The following GFRA1 variants were observed in gnomAD, a reference collection of about 807,000 sequenced individuals.
The protein encoded by GFRA1 is GDNF family receptor alpha-1.
GFRA1 carries 16 observed loss-of-function variants against 51.6 expected under a neutral mutation model. The observed-to-expected ratio is 0.31, with a 90% CI of 0.21 to 0.47. GFRA1 has a LOEUF of 0.47. GFRA1 is among the 20% of genes least tolerant of loss of function. The probability of loss-of-function intolerance (pLI) is 1.00; values close to 1 mark genes in which losing one functional copy is unlikely to be tolerated. For synonymous variants in GFRA1, 270 were observed against 241.3 expected (o/e 1.12, Z -1.10); for missense variants, 530 against 594.3 (o/e 0.89, Z 1.13).
rs528863332 is a variant in GFRA1 at position 116,264,312 on chromosome 10, G to A, written c.418+5191C>T. Among the ~76,000 whole-genome samples the A allele has an allele frequency of 3.9e-5, 6 of 152,256 alleles. No homozygotes were observed. In the East Asian group the frequency reaches 1.2e-3, roughly 29 times the overall value. On this transcript the variant is annotated intron_variant, in intron 4 of 10. Coordinates refer to ENST00000355422, the MANE Select transcript of GFRA1 (RefSeq NM_005264.8). ...CTGTCCAATCCCCTCCCCTCTCTGAGCTTCAAGTCTATAAAAACAGAGTAC... is the reference window on the plus strand; with the variant it reads ...CTGTCCAATCCCCTCCCCTCTCTGAACTTCAAGTCTATAAAAACAGAGTAC...
intron 4 of GFRA1, among the ~76,000 whole-genome samples, chr10:116,262,953 C>G (rs1969400625): frequency 6.6e-6 from 1 of 152,088 alleles, no homozygotes; most frequent in Admixed American, 6.6e-5. Flanking sequence ...AGCTCCCACC[C>G]CAGGTGATCA....
chr10:116,228,980 C>CAAAAAAAAAAAAAAAAAAAAA (rs57618028), intron 4 of GFRA1, among the ~76,000 whole-genome samples: 1 of 52,886 alleles, frequency 1.9e-5, no homozygotes, highest in Non-Finnish European at 3.4e-5. Flanking sequence ...TACTCCATCT[C>CAAAAAAAAAAAAAAAAAAAAA]AAAAAAAAAA....
chr10:116,190,044 C>T (rs573428885), intron 5 of GFRA1, among the ~76,000 whole-genome samples: 4 of 152,138 alleles, frequency 2.6e-5, no homozygotes, highest in Admixed American at 6.5e-5. Context: ...AACCAAAGCA[C>T]AGCAACTGGG....
At chr10:116,088,734 C>T (rs181582687) in intron 9 of GFRA1, among the ~76,000 whole-genome samples, 3 of 151,942 alleles carry the variant, frequency 2.0e-5, no homozygotes, top group Admixed American at 6.5e-5. Context: ...TCCTGGCTAA[C>T]ATGGTGAAAC....
chr10:116,181,998 T>C (rs1283370289), intron 5 of GFRA1, among the ~76,000 whole-genome samples: 1 of 152,092 alleles, frequency 6.6e-6, no homozygotes, highest in Admixed American at 6.6e-5. Flanking sequence ...AGCTCTGTAG[T>C]GAAATATCAT....
intron 5 of GFRA1, among the ~76,000 whole-genome samples, chr10:116,149,712 TGATGTAGG>T (rs1340938313): frequency 1.3e-5 from 2 of 152,164 alleles, no homozygotes; most frequent in African/African-American, 4.8e-5. Flanking sequence ...ATGAAGGAAT[TGATGTAGG>T]ACTTTCCCTC....
chr10:116,113,545 A>ACCAC (rs2133976061), intron 6 of GFRA1, among the ~76,000 whole-genome samples: 1 of 152,350 alleles, frequency 6.6e-6, no homozygotes, highest in East Asian at 1.9e-4. Flanking sequence ...AAGTAAAGTC[A>ACCAC]CCACCGGTAT....
At chr10:116,274,425 G>T (rs1163979418), upstream of GFRA1, among the ~76,000 whole-genome samples, 1 of 152,226 alleles carries the variant, frequency 6.6e-6, no homozygotes, top group Non-Finnish European at 1.5e-5. Context: ...TTTGATCGAG[G>T]GGGGTAAATT....
Position 116,062,458 on chromosome 10 carries a change from C to T in GFRA1, c.*1940G>A, listed in dbSNP as rs933055855. On this transcript the variant is annotated 3_prime_UTR_variant, in exon 11 of 11. Coordinates refer to ENST00000355422, the MANE Select transcript of GFRA1 (RefSeq NM_005264.8). The stretch of plus-strand genomic sequence containing the variant: ...AAAAAAGTCAGTACTGAGTACTGTA[C>T]ATTTGTGTTGATTAACATTTGGACA... 1.3e-5 allele frequency: 3 copies of T among 228,534 alleles called. No homozygotes were observed. Among genetic ancestry groups the T allele is most frequent in the Non-Finnish European group, 2.5e-5 (3 of 118,996 alleles). 14.2% of individuals were successfully genotyped at this position (228,534 alleles called of 1,614,324 possible).
chr10:116,262,287 ACCTTCACAG>A (rs1274470270), intron 4 of GFRA1, among the ~76,000 whole-genome samples: 6 of 152,182 alleles, frequency 3.9e-5, no homozygotes, highest in African/African-American at 1.4e-4. Flanking sequence ...AACTGTCTGT[ACCTTCACAG>A]CCTTCACTGG....
intron 9 of GFRA1, among the ~76,000 whole-genome samples, chr10:116,075,878 G>A (rs1955597756): frequency 6.6e-6 from 1 of 152,032 alleles, no homozygotes; most frequent in Non-Finnish European, 1.5e-5. Context: ...CCAAGTAGCT[G>A]GGACTACAGG....
At chr10:116,172,992 C>T (rs1169525525) in intron 5 of GFRA1, among the ~76,000 whole-genome samples, 1 of 152,158 alleles carries the variant, frequency 6.6e-6, no homozygotes, top group African/African-American at 2.4e-5. Context: ...GAATGGGCTT[C>T]GAGCGGAGGT....
chr10:116,163,444 G>C (rs569326658), intron 5 of GFRA1, among the ~76,000 whole-genome samples: 1 of 152,326 alleles, frequency 6.6e-6, no homozygotes, highest in South Asian at 2.1e-4. Flanking sequence ...CAGATTTCCA[G>C]CATCACCGTG....
chr10:116,093,942 C>T (rs1956466658), intron 7 of GFRA1, 106 bp from the exon 8 acceptor site: 5 of 1,066,090 alleles, frequency 4.7e-6, no homozygotes, highest in Non-Finnish European at 7.2e-6. Context: ...TGGATAATTA[C>T]AGACATTGTA....
In GFRA1 at chr10:116,207,801, G is replaced by A. The variant is rs148714266; in HGVS notation, c.433+3830C>T. On this transcript the variant is annotated intron_variant, in intron 5 of 10. Transcript: ENST00000355422. ...GGGCACAAGACCCTCTTCAGGCAAA[G>A]CGAGCAGAAAGTGAGCACTCAGCAG... 7.2e-3 allele frequency among the ~76,000 whole-genome samples: 1,094 copies of A among 152,236 alleles called. 7 individuals are homozygous for A. Among genetic ancestry groups the A allele is most frequent in the Admixed American group, 0.01 (159 of 15,284 alleles).
At chr10:116,273,119 A>G (rs912269607) in intron 1 of GFRA1, 44 bp downstream of exon 1, 6 of 152,084 alleles carry the variant, frequency 3.9e-5, no homozygotes, top group African/African-American at 1.4e-4. Flanking sequence ...GGAAGCGGCA[A>G]TGGGTTCCCA....
At position 116,096,746 on chromosome 10, in the gene GFRA1, A is replaced by C; in HGVS notation, c.789T>G (p.Phe263Leu). 11 of 1,610,136 alleles carry C rather than the reference A, an allele frequency of 6.8e-6. No homozygotes were observed. Among genetic ancestry groups the C allele is most frequent in the Non-Finnish European group, 9.3e-6 (11 of 1,176,884 alleles). Residue 263 changes from phenylalanine to leucine, a missense_variant, in exon 7 of 11, where the codon TTT (phenylalanine) becomes TTG (leucine). Transcript: ENST00000355422. ...TTGACTCTGGCTGGCAGTTGGTAAAAAAATCCGCAAGGCGAGATCTACAAT... is the reference window on the plus strand; with the variant it reads ...TTGACTCTGGCTGGCAGTTGGTAAACAAATCCGCAAGGCGAGATCTACAAT... ...NYICRSRLAD[F>L]FTNCQPESRS...
intron 4 of GFRA1, among the ~76,000 whole-genome samples, chr10:116,216,712 G>T (rs1342684852): frequency 5.3e-5 from 8 of 152,272 alleles, no homozygotes; most frequent in Non-Finnish European, 7.4e-5. Flanking sequence ...TCTCACCTGG[G>T]GAGACAGCTG....
chr10:116,209,091 A>C (rs554787085), intron 5 of GFRA1, among the ~76,000 whole-genome samples: 57 of 152,294 alleles, frequency 3.7e-4, no homozygotes, highest in South Asian at 3.3e-3. Context: ...TCTGTGGTCT[A>C]AGCATCACAG....
Sources: allele counts gnomAD v4.1 joint callset (sites outside exome capture counted in the v4.1 genomes callset), GRCh38; gene constraint gnomAD v4.1.1; transcripts MANE v1.5; gene names NCBI Gene and HGNC (gene_info 2026-07-23, HGNC 2026-07-21).